PCDHA3: variants seen among roughly 807,000 people sequenced by gnomAD.
PCDHA3 encodes the protein protocadherin alpha 3, also known as protocadherin alpha-3.
Under a neutral mutation model 62.2 loss-of-function variants are expected in PCDHA3, and 41 were observed. The observed-to-expected ratio is 0.66, with a 90% CI of 0.51 to 0.86. The LOEUF is 0.86. Ranked by LOEUF, PCDHA3 falls within the 40% of genes least tolerant of loss-of-function variation. PCDHA3 has a pLI of 0.00. For synonymous variants in PCDHA3, 640 were observed against 555.4 expected, an observed-to-expected ratio of 1.15 and a Z score of -2.14; for missense variants, 1,304 against 1,241.2, an observed-to-expected ratio of 1.05 and a Z score of -0.76.
Position 140,850,919 on chromosome 5 carries a change from T to C in PCDHA3, c.2394+47328T>C, listed in dbSNP as rs2150502156. 62 of 1,527,062 alleles carry C rather than the reference T, an allele frequency of 4.1e-5. 7 individuals are homozygous for C. The highest frequency in any genetic ancestry group is 4.8e-5 in the Non-Finnish European group (55 of 1,135,558). The allele number at this position is 1,527,062 out of a possible 1,614,324, so 94.6% of individuals were successfully genotyped here. ...GTTTTTCTAGCATTTTATTTATTTA[T>C]ATAATTTTTTTTCTTGAAAGATATT... On this transcript the variant is annotated intron_variant, in intron 1 of 3. Coordinates refer to ENST00000522353, the MANE Select transcript of PCDHA3 (RefSeq NM_018906.3).
At chr5:140,863,259 G>T in intron 1 of PCDHA3, 1 of 1,448,654 alleles carries the variant, frequency 6.9e-7, no homozygotes. Context: ...TCGAGGTCCG[G>T]GAGGCAGCGC....
At chr5:140,824,989 C>T (rs1768412493) in intron 1 of PCDHA3, 3 of 151,936 alleles carry the variant, frequency 2.0e-5, no homozygotes, top group African/African-American at 7.3e-5. Context: ...ATAGGAAACA[C>T]ATATACATGG....
chr5:140,922,441 A>G (rs2080844983), intron 1 of PCDHA3, among the ~76,000 whole-genome samples: 1 of 152,216 alleles, frequency 6.6e-6, no homozygotes, highest in Non-Finnish European at 1.5e-5. Flanking sequence ...GAACTCTCTC[A>G]TTATCCTATT....
Position 140,803,259 on chromosome 5 carries a change from G to T in PCDHA3, c.2062G>T (p.Gly688Cys). 6.2e-7 allele frequency: 1 copy of T among 1,613,936 alleles called. No homozygotes were observed. The highest frequency in any genetic ancestry group is 8.5e-7 in the Non-Finnish European group (1 of 1,179,964). The stretch of plus-strand genomic sequence containing the variant: ...GTCCCAGGCGTCCGCTGGCGCCACG[G>T]GCCCGGAAGCTGCACTGGTGGATGT... ...ASSQASAGAT[G>C]PEAALVDVNV... Residue 688 changes from glycine (G) to cysteine (C), a missense_variant, in exon 1 of 4, where the codon GGC (glycine) becomes TGC (cysteine). Physicochemically the swap from Gly to Cys is radical, Grantham distance 159 (BLOSUM62 -3). Transcript: ENST00000522353.
intron 1 of PCDHA3, chr5:140,861,521 G>A: frequency 2.2e-6 from 1 of 460,574 alleles, no homozygotes; most frequent in Admixed American, 2.2e-5. Flanking sequence ...TGTGTGGGAG[G>A]ATCTCGGAGT....
At chr5:140,875,859 C>G (rs1381473536) in intron 1 of PCDHA3, 1 of 1,614,038 alleles carries the variant, frequency 6.2e-7, no homozygotes, top group Non-Finnish European at 8.5e-7. Flanking sequence ...TTAACGACAA[C>G]CCGCCGGTGT....
chr5:140,985,465 A>T (rs1195143465), intron 3 of PCDHA3, among the ~76,000 whole-genome samples: 1 of 152,126 alleles, frequency 6.6e-6, no homozygotes, highest in Non-Finnish European at 1.5e-5. Flanking sequence ...TGCTCCAAAA[A>T]ATTTGGTTGT....
chr5:140,966,313 C>G, intron 1 of PCDHA3: 1 of 386,824 alleles, frequency 2.6e-6, no homozygotes. Flanking sequence ...CGTGTTCCTG[C>G]GGTCCGCTGG....
chr5:140,849,612 A>C lies in PCDHA3; in HGVS notation c.2394+46021A>C, dbSNP rs2040992184. On this transcript the variant is annotated intron_variant, in intron 1 of 3. Transcript: ENST00000522353. ...ACTGGGGACAGTTATTGCCCTGATT[A>C]GTGTGATCGACCTAGACGCAGATGC... 5 of 1,598,736 alleles carry C rather than the reference A, an allele frequency of 3.1e-6. 2 individuals are homozygous for C. The highest frequency in any genetic ancestry group is 4.3e-6 in the Non-Finnish European group (5 of 1,167,986).
intron 1 of PCDHA3, among the ~76,000 whole-genome samples, chr5:140,890,049 G>T (rs1488374417): frequency 1.3e-5 from 2 of 152,158 alleles, no homozygotes; most frequent in Non-Finnish European, 2.9e-5. Flanking sequence ...GTGTGTTGGA[G>T]CTGGCTCTTT....
intron 1 of PCDHA3, chr5:140,834,198 C>T (rs1449732320): frequency 8.4e-6 from 5 of 594,740 alleles, no homozygotes; most frequent in African/African-American, 3.7e-5. Flanking sequence ...CGCTCTTTAC[C>T]GCAAATTCTT....
intron 1 of PCDHA3, among the ~76,000 whole-genome samples, chr5:140,963,686 G>A (rs181667037): frequency 2.7e-4 from 41 of 152,226 alleles, no homozygotes; most frequent in Middle Eastern, 3.4e-3. Flanking sequence ...GTGTTTATCC[G>A]TGTTTGATAT....
At chr5:140,822,545 G>A in intron 1 of PCDHA3, 1 of 1,613,682 alleles carries the variant, frequency 6.2e-7, no homozygotes. Context: ...GCACCAAGTG[G>A]GACATTAGTT....
intron 1 of PCDHA3, chr5:140,870,888 A>G: frequency 1.9e-6 from 3 of 1,613,936 alleles, no homozygotes; most frequent in Non-Finnish European, 2.5e-6. Context: ...AGGTGCGCGC[A>G]GTGGATGCGG....
At chr5:140,877,730 A>C in intron 1 of PCDHA3, 1 of 1,614,146 alleles carries the variant, frequency 6.2e-7, no homozygotes, top group Non-Finnish European at 8.5e-7. Context: ...TACTCGCAGC[A>C]GAGGAGGCAG....
At chr5:140,826,269 A>G (rs1554130513) in intron 1 of PCDHA3, among the ~76,000 whole-genome samples, 5 of 152,168 alleles carry the variant, frequency 3.3e-5, no homozygotes, top group Non-Finnish European at 7.4e-5. Flanking sequence ...GTCTTTATGT[A>G]TATTTTGTGC....
rs201090787 is a variant in PCDHA3, at chr5:140,876,840, G to A, written c.2394+73249G>A. On this transcript the variant is annotated intron_variant, in intron 1 of 3. Coordinates refer to ENST00000522353, the MANE Select transcript of PCDHA3 (RefSeq NM_018906.3). Reference sequence around the variant, plus strand: ...TGAACGACAATGCGCCTGCGTTCGCGCAGCCCGAGTACACAGTGTTCGTGA... The same window carrying A: ...TGAACGACAATGCGCCTGCGTTCGCACAGCCCGAGTACACAGTGTTCGTGA... 2.5e-6 allele frequency: 4 copies of A among 1,614,166 alleles called. No homozygotes were observed. In the East Asian group the frequency reaches 6.7e-5, roughly 27 times the overall value.
chr5:140,835,826 C>A, intron 1 of PCDHA3: 1 of 1,612,456 alleles, frequency 6.2e-7, no homozygotes, highest in East Asian at 2.2e-5. Flanking sequence ...CGGCGGGGGA[C>A]GCGGACGCGC....
At chr5:140,967,468 C>T (rs155807) in intron 1 of PCDHA3, 541,339 of 1,613,022 alleles carry the variant, frequency 0.34, 92,423 homozygotes, top group East Asian at 0.5. Context: ...ATGGGGGCAT[C>T]CCAGCCCGCT....
Sources: gnomAD v4.1 joint callset for allele counts (sites outside exome capture counted in the v4.1 genomes callset) on GRCh38, gnomAD v4.1.1 for gene constraint, MANE v1.5 for transcripts, NCBI Gene and HGNC (gene_info 2026-07-23, HGNC 2026-07-21) for gene names.